The following FECH variants were observed in gnomAD, a reference collection of about 807,000 sequenced individuals.
FECH encodes ferrochelatase, mitochondrial.
Under a neutral mutation model 56.9 loss-of-function variants are expected in FECH, and 40 were observed. The ratio of observed to expected loss-of-function variants is 0.70; its 90% CI spans 0.55 to 0.92. The LOEUF (loss-of-function observed/expected upper bound fraction) is 0.92, where lower values mean the gene tolerates loss of function less well. Ranked by LOEUF, FECH falls within the 40% of genes least tolerant of loss-of-function variation. The probability of loss-of-function intolerance (pLI) is 0.00; values close to 1 mark genes in which losing one functional copy is unlikely to be tolerated. For missense variants in FECH, 431 were observed against 529.1 expected (o/e 0.81, Z 1.82); for synonymous variants, 175 against 198.6 (o/e 0.88, Z 1.00).
chr18:57,572,596 G>GT (rs1555681084), intron 3 of FECH, among the ~76,000 whole-genome samples: 16 of 141,062 alleles, frequency 1.1e-4, no homozygotes, highest in Non-Finnish European at 2.5e-4. Flanking sequence ...AGTGGGGGGG[G>GT]GGGTGTGCAT....
Position 57,586,674 on chromosome 18 carries a change from G to C in FECH, c.-54C>G. Reference sequence around the variant, plus strand: ...GCTCCTCCCGCGGCGGCGCGCCCAGGTGTCCGCCCAGCAGTGGCCGAGCCG... The same window carrying C: ...GCTCCTCCCGCGGCGGCGCGCCCAGCTGTCCGCCCAGCAGTGGCCGAGCCG... On this transcript the variant is annotated 5_prime_UTR_variant, in exon 1 of 11. Transcript: ENST00000262093. 2.0e-6 allele frequency: 3 copies of C among 1,465,642 alleles called. No homozygotes were observed. Among genetic ancestry groups the C allele is most frequent in the South Asian group, 1.3e-5 (1 of 78,760 alleles). 90.8% of individuals were successfully genotyped at this position (1,465,642 alleles called of 1,614,324 possible).
At chr18:57,585,284 T>C (rs2051350974) in intron 1 of FECH, among the ~76,000 whole-genome samples, 1 of 152,246 alleles carries the variant, frequency 6.6e-6, no homozygotes, top group Non-Finnish European at 1.5e-5. Flanking sequence ...ATTATAACTA[T>C]GCCTTCAAAT....
At chr18:57,553,823 T>C (rs1413319682) in intron 9 of FECH, among the ~76,000 whole-genome samples, 2 of 152,246 alleles carry the variant, frequency 1.3e-5, no homozygotes, top group Non-Finnish European at 2.9e-5. Context: ...GACTCCTATA[T>C]GCCTTGACAC....
intron 5 of FECH, among the ~76,000 whole-genome samples, 179 bp from the exon 6 acceptor site, chr18:57,563,159 A>G (rs903608322): frequency 6.6e-6 from 1 of 152,262 alleles, no homozygotes; most frequent in Non-Finnish European, 1.5e-5. Flanking sequence ...CTGCAAATGA[A>G]GATCACTAAA....
intron 1 of FECH, among the ~76,000 whole-genome samples, chr18:57,584,221 G>A (rs540415447): frequency 1.6e-4 from 24 of 150,772 alleles, no homozygotes; most frequent in Non-Finnish European, 2.9e-4. Context: ...AACTCCTGCA[G>A]TGGTGGACAC....
intron 4 of FECH, among the ~76,000 whole-genome samples, chr18:57,569,768 G>A (rs1238827748): frequency 1.3e-5 from 2 of 151,980 alleles, no homozygotes; most frequent in East Asian, 1.9e-4. Context: ...CAGGAAAAAT[G>A]GGAACCTTTC....
intron 5 of FECH, among the ~76,000 whole-genome samples, chr18:57,564,945 A>G (rs1490178486): frequency 6.6e-6 from 1 of 152,240 alleles, no homozygotes; most frequent in Non-Finnish European, 1.5e-5. Context: ...AAAAGATACA[A>G]CAGATAAACA....
intron 1 of FECH, among the ~76,000 whole-genome samples, chr18:57,585,519 A>G (rs2051355392): frequency 6.6e-6 from 1 of 152,214 alleles, no homozygotes; most frequent in Admixed American, 6.5e-5. Context: ...GCCTCTTCTT[A>G]AAAAACAATG....
intron 1 of FECH, among the ~76,000 whole-genome samples, chr18:57,582,928 A>G (rs1210275286): frequency 6.6e-6 from 1 of 151,572 alleles, no homozygotes; most frequent in East Asian, 1.9e-4. Flanking sequence ...AAAAAAGAAG[A>G]AGGAAGCGGT....
In FECH at chr18:57,554,881, C is replaced by T. The variant is rs2122250793; in HGVS notation, c.876G>A (p.Glu292=). The change falls in exon 8 of 11, where the codon GAG becomes GAA. Residue 292 remains glutamate, a synonymous_variant. Transcript: ENST00000262093. ...ACACCAGTCGGTAGGGGTTGCAGTACTCCAGCCTTTCCATGACTTTTTGGA... is the reference window on the plus strand; with the variant it reads ...ACACCAGTCGGTAGGGGTTGCAGTATTCCAGCCTTTCCATGACTTTTTGGA... ...ATVQKVMERL[E]YCNPYRLVWQ... is the part of the protein sequence containing the mutation. 6.2e-7 allele frequency: 1 copy of T among 1,614,194 alleles called. No homozygotes were observed. The highest frequency in any genetic ancestry group is 8.5e-7 in the Non-Finnish European group (1 of 1,180,018).
chr18:57,582,041 A>T (rs986684479), intron 1 of FECH, among the ~76,000 whole-genome samples: 1 of 96,038 alleles, frequency 1.0e-5, no homozygotes, highest in African/African-American at 3.8e-5. Flanking sequence ...GGCTCAAACC[A>T]ACTCACATCT....
At chr18:57,551,464 C>T in intron 9 of FECH, 90 bp from the exon 10 acceptor site, 1 of 905,018 alleles carries the variant, frequency 1.1e-6, no homozygotes, top group East Asian at 2.6e-5. Flanking sequence ...AATAAATACA[C>T]ACAGATACAC....
intron 5 of FECH, among the ~76,000 whole-genome samples, chr18:57,564,268 C>G (rs1309385855): frequency 5.9e-5 from 9 of 152,100 alleles, no homozygotes. Flanking sequence ...TAAATGGACA[C>G]CAAATCCTTA....
At chr18:57,562,828 C>T (rs1000716190) in intron 6 of FECH, 46 bp downstream of exon 6, 4 of 1,471,706 alleles carry the variant, frequency 2.7e-6, no homozygotes, top group African/African-American at 2.8e-5. Flanking sequence ...GAAGCTGATT[C>T]ACACTAGATG....
At chr18:57,578,707 C>CT (rs2051219646) in intron 2 of FECH, among the ~76,000 whole-genome samples, 1 of 151,552 alleles carries the variant, frequency 6.6e-6, no homozygotes, top group South Asian at 2.1e-4. Context: ...CGCCTGTAAT[C>CT]TCAGCACTTT....
chr18:57,586,483 C>A, intron 1 of FECH, 71 bp downstream of exon 1: 1 of 1,474,628 alleles, frequency 6.8e-7, no homozygotes, highest in Admixed American at 2.0e-5. Context: ...GGCCCGGGCG[C>A]CAGCTGCCCG....
intron 3 of FECH, 37 bp from the exon 4 acceptor site, chr18:57,571,577 C>T: frequency 6.2e-7 from 1 of 1,613,924 alleles, no homozygotes; most frequent in Non-Finnish European, 8.5e-7. Flanking sequence ...GGATTTTATT[C>T]CAGCTTAGCA....
In FECH at chr18:57,550,389, G is replaced by T. The variant is rs1254834748; in HGVS notation, c.*323C>A. ...CCGTACCCTTTCAGGAGGGTTTTGG[G>T]CAATAAAGCCAAAATCTGTACTTAA... On this transcript the variant is annotated 3_prime_UTR_variant, in exon 11 of 11. Coordinates refer to ENST00000262093, the MANE Select transcript of FECH (RefSeq NM_000140.5). 5 of 320,960 alleles carry T rather than the reference G, an allele frequency of 1.6e-5. No individual in the cohort carries two copies. Among genetic ancestry groups the T allele is most frequent in the Non-Finnish European group, 2.4e-5 (4 of 167,654 alleles). The allele number at this position is 320,960 out of a possible 1,614,324, so 19.9% of individuals were successfully genotyped here.
At position 57,557,649 on chromosome 18, in the gene FECH, T is replaced by A. The variant is rs188206870; in HGVS notation, c.804+1496A>T. Among the ~76,000 whole-genome samples the A allele has an allele frequency of 2.9e-3, 436 of 152,108 alleles. 4 individuals are homozygous for A. The highest frequency in any genetic ancestry group is 0.01 in the African/African-American group (422 of 41,492). On this transcript the variant is annotated intron_variant, in intron 7 of 10. Transcript: ENST00000262093. The stretch of plus-strand genomic sequence containing the variant: ...CGTCTCTACTAAAAATACAAAAAAT[T>A]AGCCAGGCGTGGTTGCGTGTGCCTG...
Sources: gnomAD v4.1 joint callset for allele counts (sites outside exome capture counted in the v4.1 genomes callset) on GRCh38, gnomAD v4.1.1 for gene constraint, MANE v1.5 for transcripts, NCBI Gene and HGNC (gene_info 2026-07-23, HGNC 2026-07-21) for gene names.